Variants in PARP11 observed in about 807,000 individuals in gnomAD.
PARP11 encodes the protein poly(ADP-ribose) polymerase family member 11, also known as protein mono-ADP-ribosyltransferase PARP11.
PARP11 carries 31 observed loss-of-function variants against 42.9 expected under a neutral mutation model. That is an observed-to-expected ratio of 0.72 (90% CI 0.54 to 0.98). The LOEUF (loss-of-function observed/expected upper bound fraction) is 0.98, where lower values mean the gene tolerates loss of function less well. Among genes scored for constraint, PARP11 ranks in the 50% least tolerant of loss-of-function variants. The pLI, the probability that PARP11 is intolerant of heterozygous loss-of-function variation, is 0.00. For missense variants in PARP11, 365 were observed against 413.1 expected (o/e 0.88, Z 1.01); for synonymous variants, 137 against 127.3 (o/e 1.08, Z -0.51).
At position 3,840,443 on chromosome 12, in the gene PARP11, A is replaced by C; in HGVS notation, c.19-10425T>G. 1 of 1,613,424 alleles carries C rather than the reference A, an allele frequency of 6.2e-7. No individual in the cohort carries two copies. Among genetic ancestry groups the C allele is most frequent in the South Asian group, 1.1e-5 (1 of 91,062 alleles). ...CCATTAGCACTACCTCCTCGACTGCAGCATCCTTCAGGAGTAAGACAACGT... is the reference window on the plus strand; with the variant it reads ...CCATTAGCACTACCTCCTCGACTGCCGCATCCTTCAGGAGTAAGACAACGT... On this transcript the variant is annotated intron_variant, in intron 1 of 7. Transcript: ENST00000228820. This position sits in a 1 kb window ranked among gnomAD's most constrained non-coding sequence, Gnocchi z 4.4.
Position 3,827,288 on chromosome 12 carries a change from T to C in PARP11, c.269-1055A>G, listed in dbSNP as rs188480846. 1.5e-3 allele frequency among the ~76,000 whole-genome samples: 221 copies of C among 152,364 alleles called. 3 individuals are homozygous for C. The highest frequency in any genetic ancestry group is 4.9e-3 in the African/African-American group (205 of 41,580). On this transcript the variant is annotated intron_variant, in intron 3 of 7. Transcript: ENST00000228820. ...ACAGAGGGTTGGGGAACTCCAGTTATTAGTATATGTAACTCCCATTCCTTA... is the reference window on the plus strand; with the variant it reads ...ACAGAGGGTTGGGGAACTCCAGTTACTAGTATATGTAACTCCCATTCCTTA...
intron 1 of PARP11, 107 bp from the exon 2 acceptor site, chr12:3,830,125 C>T (rs1947606050): frequency 2.2e-6 from 2 of 922,644 alleles, no homozygotes; most frequent in South Asian, 3.5e-5. Context: ...AAGTGTCTTT[C>T]CTCCCATGAC....
intron 1 of PARP11, chr12:3,842,235 G>A (rs1319904330): frequency 6.2e-7 from 1 of 1,605,224 alleles, no homozygotes; most frequent in South Asian, 1.1e-5. Context: ...AAGACCAAAA[G>A]AAGAGAGTTC....
chr12:3,834,438 G>A (rs1947714845), intron 1 of PARP11, among the ~76,000 whole-genome samples: 1 of 152,012 alleles, frequency 6.6e-6, no homozygotes, highest in South Asian at 2.1e-4. Flanking sequence ...TTTGAGACCA[G>A]CCTGGCCAAC....
Position 3,825,588 on chromosome 12 carries a change from G to C in PARP11, c.344+570C>G, listed in dbSNP as rs553292083. On this transcript the variant is annotated intron_variant, in intron 4 of 7. Coordinates refer to ENST00000228820, the MANE Select transcript of PARP11 (RefSeq NM_020367.6). ...TAGAGCAGAGACCATAAGGCATTTT[G>C]TAACTGCAAACTGTTCTAAAGAATT... Among the ~76,000 whole-genome samples the C allele has an allele frequency of 3.9e-5, 6 of 152,194 alleles. No individual in the cohort carries two copies. The South Asian group carries it at 1.2e-3, about 32-fold the overall frequency.
chr12:3,824,218 T>C (rs576082923), intron 4 of PARP11, among the ~76,000 whole-genome samples: 17 of 152,218 alleles, frequency 1.1e-4, no homozygotes, highest in Non-Finnish European at 2.5e-4. Context: ...TTTCTCCTAT[T>C]ATGAGTGAGG....
intron 1 of PARP11, chr12:3,872,572 C>T (rs1948507657): frequency 1.0e-6 from 1 of 985,184 alleles, no homozygotes; most frequent in Non-Finnish European, 1.2e-6. Flanking sequence ...ACTTTGTCCA[C>T]CGAACGAAAA....
At chr12:3,819,630 G>C (rs1018031095) in intron 6 of PARP11, among the ~76,000 whole-genome samples, 2 of 152,154 alleles carry the variant, frequency 1.3e-5, no homozygotes, top group African/African-American at 4.8e-5. Context: ...ATGCAGATCA[G>C]ATCCATCACT....
At chr12:3,835,371 CTGTTA>C (rs71881136) in intron 1 of PARP11, among the ~76,000 whole-genome samples, 23,235 of 152,158 alleles carry the variant, frequency 0.15, 2,341 homozygotes, top group East Asian at 0.5. Flanking sequence ...AGCTATATCA[CTGTTA>C]TATACACATA....
intron 1 of PARP11, among the ~76,000 whole-genome samples, chr12:3,836,036 T>C (rs549850909): frequency 6.8e-4 from 103 of 150,988 alleles, no homozygotes; most frequent in African/African-American, 1.9e-3. Context: ...CACACACACA[T>C]ATATATATAT....
At chr12:3,853,807 T>C (rs1281842222) in intron 1 of PARP11, among the ~76,000 whole-genome samples, 1 of 152,178 alleles carries the variant, frequency 6.6e-6, no homozygotes, top group African/African-American at 2.4e-5. Flanking sequence ...TACAGAACTC[T>C]CCACCCTAAA....
intron 3 of PARP11, 85 bp downstream of exon 3, chr12:3,828,825 T>C: frequency 3.3e-6 from 4 of 1,202,524 alleles, no homozygotes; most frequent in Non-Finnish European, 4.7e-6. Context: ...TTTGCAAATA[T>C]ATCAACTAAT....
intron 3 of PARP11, among the ~76,000 whole-genome samples, chr12:3,827,294 T>C (rs1350118637): frequency 2.0e-5 from 3 of 152,230 alleles, no homozygotes; most frequent in Admixed American, 2.0e-4. Context: ...GTTATTAGTA[T>C]ATGTAACTCC....
At chr12:3,823,245 C>T (rs1947440683) in intron 4 of PARP11, among the ~76,000 whole-genome samples, 1 of 152,242 alleles carries the variant, frequency 6.6e-6, no homozygotes, top group East Asian at 1.9e-4. Context: ...AGAAGTTTTC[C>T]TCCCACTCCA....
chr12:3,833,952 C>T (rs1166088029), intron 1 of PARP11, among the ~76,000 whole-genome samples: 2 of 152,148 alleles, frequency 1.3e-5, no homozygotes, highest in Non-Finnish European at 2.9e-5. Context: ...TGTAGAAGCT[C>T]TGTTCTGGAG....
intron 1 of PARP11, among the ~76,000 whole-genome samples, chr12:3,839,244 C>A (rs1264240473): frequency 6.6e-6 from 1 of 150,794 alleles, no homozygotes; most frequent in East Asian, 1.9e-4. Context: ...GTCGAGCAGC[C>A]GGCGGCCTGG....
At chr12:3,834,768 A>G (rs1269102827) in intron 1 of PARP11, among the ~76,000 whole-genome samples, 3 of 151,548 alleles carry the variant, frequency 2.0e-5, no homozygotes, top group Non-Finnish European at 4.4e-5. Context: ...AGAGACAGCC[A>G]AGAAGAGCCC....
chr12:3,812,273 G>A lies in PARP11; in HGVS notation c.867C>T (p.Asn289=), dbSNP rs781131107. 8 of 1,614,026 alleles carry A rather than the reference G, an allele frequency of 5.0e-6. No individual in the cohort carries two copies. Among genetic ancestry groups the A allele is most frequent in the East Asian group, 2.2e-5 (1 of 44,896 alleles). ...LARVLIGDYI[N]GDSKYMRPPS... ...GAGGTCGCATGTATTTGGAGTCTCC[G>A]TTTATGTAATCTCCAATTAGCACTC... Residue 289 remains asparagine (N), a synonymous_variant, in exon 8 of 8, where the codon AAC becomes AAT. Transcript: ENST00000228820.
At chr12:3,853,683 A>G (rs573346103) in intron 1 of PARP11, among the ~76,000 whole-genome samples, 89 of 152,276 alleles carry the variant, frequency 5.8e-4, no homozygotes, top group African/African-American at 2.0e-3. Flanking sequence ...CACAATAACA[A>G]TGGGAGACTT....
Sources: gnomAD v4.1 joint callset for allele counts (sites outside exome capture counted in the v4.1 genomes callset) on GRCh38, gnomAD v4.1.1 for gene constraint, Gnocchi (gnomAD v3.1) non-coding constraint, MANE v1.5 for transcripts, NCBI Gene and HGNC (gene_info 2026-07-23, HGNC 2026-07-21) for gene names.